TMEM117: variants seen among roughly 807,000 people sequenced by gnomAD.
TMEM117 encodes transmembrane protein 117.
TMEM117 carries 27 observed loss-of-function variants against 52.4 expected under a neutral mutation model. The observed-to-expected ratio is 0.51, with a 90% CI of 0.38 to 0.71. TMEM117 has a LOEUF of 0.71. Among genes scored for constraint, TMEM117 ranks in the 30% least tolerant of loss-of-function variants. The pLI is 0.00. For synonymous variants in TMEM117, 215 were observed against 206.3 expected (o/e 1.04, Z -0.36); for missense variants, 556 against 630.5 (o/e 0.88, Z 1.26).
chr12:44,137,282 G>T (rs995004009), intron 3 of TMEM117, among the ~76,000 whole-genome samples: 4 of 152,056 alleles, frequency 2.6e-5, no homozygotes, highest in African/African-American at 9.7e-5. Context: ...AGGTTTCTCA[G>T]TGGACAGACT....
At chr12:44,001,081 A>C (rs1234482745) in intron 3 of TMEM117, among the ~76,000 whole-genome samples, 2 of 152,236 alleles carry the variant, frequency 1.3e-5, no homozygotes, top group African/African-American at 2.4e-5. Flanking sequence ...GGCTTCTGGC[A>C]GTCCCGGAGA....
chr12:44,094,845 A>T (rs1266208655), intron 3 of TMEM117, among the ~76,000 whole-genome samples: 1 of 152,128 alleles, frequency 6.6e-6, no homozygotes, highest in Non-Finnish European at 1.5e-5. Flanking sequence ...TTAAAATGTA[A>T]GTTCTTACTG....
At chr12:44,333,442 A>T (rs1290882833) in intron 6 of TMEM117, among the ~76,000 whole-genome samples, 2 of 152,022 alleles carry the variant, frequency 1.3e-5, no homozygotes, top group African/African-American at 4.8e-5. Flanking sequence ...TGTAGTTCCC[A>T]TAAGCCTGAC....
intron 5 of TMEM117, among the ~76,000 whole-genome samples, chr12:44,237,363 A>G (rs905451447): frequency 2.6e-5 from 4 of 151,934 alleles, no homozygotes; most frequent in Admixed American, 1.3e-4. Flanking sequence ...ATTACAGCAC[A>G]TATTCTACAT....
chr12:44,202,408 T>C (rs1264362874), intron 4 of TMEM117, among the ~76,000 whole-genome samples: 1 of 152,196 alleles, frequency 6.6e-6, no homozygotes, highest in Non-Finnish European at 1.5e-5. Flanking sequence ...GTGGTAACTT[T>C]TTAATTCTGT....
At position 43,929,404 on chromosome 12, in the gene TMEM117, A is replaced by G. The variant is rs1241738509; in HGVS notation, c.278-14806A>G. ...ACACACATAATTGACATTAAAGCCT[A>G]CCTTTAATTAATATTGCCAACAATT... On this transcript the variant is annotated intron_variant, in intron 2 of 7. Coordinates refer to ENST00000266534, the MANE Select transcript of TMEM117 (RefSeq NM_032256.3). 1.1e-4 allele frequency among the ~76,000 whole-genome samples: 16 copies of G among 152,172 alleles called. No individual in the cohort carries two copies. The East Asian group carries it at 2.9e-3, about 27-fold the overall frequency.
chr12:44,212,684 G>A (rs1238366209), intron 5 of TMEM117, among the ~76,000 whole-genome samples: 1 of 152,022 alleles, frequency 6.6e-6, no homozygotes, highest in African/African-American at 2.4e-5. Context: ...CACCAGATAA[G>A]GGGGACTACT....
chr12:43,914,957 A>G (rs1944576463), intron 2 of TMEM117, among the ~76,000 whole-genome samples: 1 of 152,166 alleles, frequency 6.6e-6, no homozygotes, highest in Non-Finnish European at 1.5e-5. Context: ...AAAGCCTAGT[A>G]TCTTCTTGGG....
the TMEM117 span, among the ~76,000 whole-genome samples, chr12:43,796,413 T>C: frequency 4.6e-5 from 7 of 152,120 alleles, no homozygotes; most frequent in African/African-American, 7.2e-5. Flanking sequence ...AATATATATC[T>C]TTCCCCATGC....
intron 6 of TMEM117, among the ~76,000 whole-genome samples, chr12:44,342,969 C>A (rs557667791): frequency 9.5e-4 from 144 of 152,150 alleles, no homozygotes; most frequent in African/African-American, 3.2e-3. Context: ...CCTCCTTCCC[C>A]TTCTTCAAGT....
intron 3 of TMEM117, among the ~76,000 whole-genome samples, chr12:44,132,287 C>A (rs1195494221): frequency 2.0e-5 from 3 of 151,400 alleles, no homozygotes; most frequent in Non-Finnish European, 4.4e-5. Flanking sequence ...ACACACACAC[C>A]CTTTGTATTT....
intron 6 of TMEM117, among the ~76,000 whole-genome samples, chr12:44,315,983 GGGTCTCT>G (rs1187156513): frequency 6.6e-6 from 1 of 151,996 alleles, no homozygotes; most frequent in East Asian, 1.9e-4. Context: ...CCTGTGAGAG[GGGTCTCT>G]GGAAGACAGG....
At chr12:44,210,254 A>G (rs1285012117) in intron 4 of TMEM117, among the ~76,000 whole-genome samples, 1 of 152,096 alleles carries the variant, frequency 6.6e-6, no homozygotes, top group African/African-American at 2.4e-5. Flanking sequence ...AGTGGAAAAA[A>G]TGTGCATGTG....
intron 6 of TMEM117, among the ~76,000 whole-genome samples, chr12:44,339,820 A>G (rs1951393232): frequency 6.6e-6 from 1 of 151,692 alleles, no homozygotes. Context: ...AATTTTCCCT[A>G]AGTTACTCAT....
chr12:44,127,067 A>G (rs542688201), intron 3 of TMEM117, among the ~76,000 whole-genome samples: 3 of 152,358 alleles, frequency 2.0e-5, no homozygotes, highest in Admixed American at 6.5e-5. Flanking sequence ...TGACTTCTCA[A>G]TGATAATATT....
intron 5 of TMEM117, among the ~76,000 whole-genome samples, chr12:44,293,289 A>G (rs1162083789): frequency 6.6e-6 from 1 of 151,940 alleles, no homozygotes; most frequent in Non-Finnish European, 1.5e-5. Flanking sequence ...TCCCATTCCT[A>G]CATTTCAGCA....
chr12:44,274,311 C>CA (rs1211333579), intron 5 of TMEM117, among the ~76,000 whole-genome samples: 2 of 151,628 alleles, frequency 1.3e-5, no homozygotes, highest in Non-Finnish European at 2.9e-5. Flanking sequence ...AAGAGGACAC[C>CA]AAAAAATGGA....
intron 3 of TMEM117, among the ~76,000 whole-genome samples, chr12:44,067,225 A>G (rs1366128439): frequency 2.6e-5 from 4 of 152,190 alleles, no homozygotes. Flanking sequence ...AGCCCCTCAA[A>G]GCCATCCACA....
At chr12:44,281,874 G>A (rs957992768) in intron 5 of TMEM117, among the ~76,000 whole-genome samples, 3 of 151,984 alleles carry the variant, frequency 2.0e-5, no homozygotes, top group Non-Finnish European at 4.4e-5. Context: ...TTTATGCCTG[G>A]GGTAATGATT....
Sources: allele counts gnomAD v4.1 joint callset (sites outside exome capture counted in the v4.1 genomes callset), GRCh38; gene constraint gnomAD v4.1.1; transcripts MANE v1.5; gene names NCBI Gene and HGNC (gene_info 2026-07-23, HGNC 2026-07-21).